The following ZNF541 variants were observed in gnomAD, a reference collection of about 807,000 sequenced individuals.
ZNF541 encodes the protein zinc finger protein 541.
In ZNF541, 23 loss-of-function variants were observed where a neutral mutation model predicts 123.5. The ratio of observed to expected loss-of-function variants is 0.19; its 90% CI spans 0.13 to 0.26. ZNF541 has a LOEUF of 0.26. Ranked by LOEUF, ZNF541 falls within the 10% of genes least tolerant of loss-of-function variation. The pLI is 1.00. For synonymous variants in ZNF541, 751 were observed against 754.5 expected, an observed-to-expected ratio of 1.00 and a Z score of 0.08; for missense variants, 1,612 against 1,789.9, an observed-to-expected ratio of 0.90 and a Z score of 1.79.
intron 3 of ZNF541, among the ~76,000 whole-genome samples, chr19:47,552,252 G>A (rs185520851): frequency 6.6e-6 from 1 of 152,286 alleles, no homozygotes; most frequent in African/African-American, 2.4e-5. Context: ...AAGAGCAGGA[G>A]GTTGCTCTAA....
intron 2 of ZNF541, among the ~76,000 whole-genome samples, chr19:47,560,314 G>T (rs558895148): frequency 6.6e-6 from 1 of 152,226 alleles, no homozygotes; most frequent in African/African-American, 2.4e-5. Context: ...GGTGGCTCAT[G>T]CTTGTTATGC....
At chr19:47,540,864 C>G in intron 6 of ZNF541, 29 bp downstream of exon 6, 1 of 1,549,802 alleles carries the variant, frequency 6.5e-7, no homozygotes. Context: ...TGCCAGGGTG[C>G]ATGCAGGATC....
At chr19:47,523,339 T>TAAA (rs75366644) in intron 14 of ZNF541, among the ~76,000 whole-genome samples, 2,185 of 105,674 alleles carry the variant, frequency 0.021, 57 homozygotes, top group African/African-American at 0.067. Context: ...GCGTCTCTTT[T>TAAA]AAAAAAAAAA....
chr19:47,546,035 G>A, intron 4 of ZNF541, 55 bp from the exon 5 acceptor site: 2 of 1,408,766 alleles, frequency 1.4e-6, no homozygotes, highest in Non-Finnish European at 1.9e-6. Context: ...CGGGCTTTCT[G>A]CTGTAGGACC....
chr19:47,572,853 G>A (rs1971524709), intron 1 of ZNF541, among the ~76,000 whole-genome samples: 1 of 152,094 alleles, frequency 6.6e-6, no homozygotes, highest in Non-Finnish European at 1.5e-5. Context: ...CCTGTGGGGT[G>A]CAGCGGGGCC....
At chr19:47,526,481 C>CAAAAAAAAAAAAAAAAAAAAAAAAAAA (rs71180847) in intron 14 of ZNF541, among the ~76,000 whole-genome samples, 1 of 34,976 alleles carries the variant, frequency 2.9e-5, no homozygotes, top group Non-Finnish European at 5.0e-5. Context: ...GACTCCATCT[C>CAAAAAAAAAAAAAAAAAAAAAAAAAAA]AAAAAAAAAA....
At position 47,520,959 on chromosome 19, in the gene ZNF541, A is replaced by T; in HGVS notation, c.*265T>A. 3 of 435,618 alleles carry T rather than the reference A, an allele frequency of 6.9e-6. No individual in the cohort carries two copies. The highest frequency in any genetic ancestry group is 1.2e-5 in the Non-Finnish European group (3 of 240,538). 27.0% of individuals were successfully genotyped at this position (435,618 alleles called of 1,614,324 possible). On this transcript the variant is annotated 3_prime_UTR_variant, in exon 17 of 17. Coordinates refer to ENST00000391901, the MANE Select transcript of ZNF541 (RefSeq NM_001277075.3). Reference sequence around the variant, plus strand: ...TCCCCTCCCCAAGCCTCCCTGCTCTAGAAGTGGAAGGGAAAGAAGGGGAGA... The same window carrying T: ...TCCCCTCCCCAAGCCTCCCTGCTCTTGAAGTGGAAGGGAAAGAAGGGGAGA...
intron 14 of ZNF541, among the ~76,000 whole-genome samples, chr19:47,523,338 T>TA (rs1437417516): frequency 1.4e-4 from 17 of 118,134 alleles, no homozygotes; most frequent in African/African-American, 7.0e-4. Context: ...AGCGTCTCTT[T>TA]TAAAAAAAAA....
In ZNF541 at chr19:47,555,677, C is replaced by T. The variant is rs754338266; in HGVS notation, c.180G>A (p.Thr60=). 11 of 1,551,702 alleles carry T rather than the reference C, an allele frequency of 7.1e-6. No homozygotes were observed. Among genetic ancestry groups the T allele is most frequent in the East Asian group, 4.9e-5 (2 of 40,914 alleles). The change falls in exon 3 of 17, where the codon ACG becomes ACA. Residue 60 remains threonine, a synonymous_variant. Transcript: ENST00000391901. Reference sequence around the variant, plus strand: ...CCAGCACCTCGCTGGACATGTCAGGCGTTGGGAGGCTGGGGTCCGGGTCCA... The same window carrying T: ...CCAGCACCTCGCTGGACATGTCAGGTGTTGGGAGGCTGGGGTCCGGGTCCA... ...SGLDPDPSLP[T]PDMSSEVLED... is the part of the protein sequence containing the mutation.
intron 3 of ZNF541, among the ~76,000 whole-genome samples, chr19:47,554,653 G>A (rs1487004868): frequency 6.6e-6 from 1 of 152,138 alleles, no homozygotes; most frequent in Non-Finnish European, 1.5e-5. Flanking sequence ...CTGGAAATGT[G>A]ACATCAGCCT....
At chr19:47,536,706 T>C (rs972718587) in intron 9 of ZNF541, among the ~76,000 whole-genome samples, 1 of 152,184 alleles carries the variant, frequency 6.6e-6, no homozygotes, top group Non-Finnish European at 1.5e-5. Context: ...TGCAGTGAGC[T>C]GTGATCATAC....
chr19:47,524,892 A>G (rs148530582), intron 14 of ZNF541, among the ~76,000 whole-genome samples: 31 of 152,174 alleles, frequency 2.0e-4, no homozygotes, highest in African/African-American at 7.2e-4. Context: ...AAGAAATAAG[A>G]ACCAGTAAAA....
At chr19:47,539,684 G>A in intron 8 of ZNF541, 21 bp downstream of exon 8, 4 of 1,381,774 alleles carry the variant, frequency 2.9e-6, no homozygotes. Context: ...GCAGGAAGGA[G>A]GCAGGCCGAC....
At position 47,539,686 on chromosome 19, in the gene ZNF541, C is replaced by T. The variant is rs1389227301; in HGVS notation, c.2796+19G>A. 2.2e-6 allele frequency: 3 copies of T among 1,381,682 alleles called. No individual in the cohort carries two copies. The highest frequency in any genetic ancestry group is 1.8e-5 in the South Asian group (1 of 55,414). The allele number at this position is 1,381,682 out of a possible 1,614,324, so 85.6% of individuals were successfully genotyped here. ...GCTGCGGGCAGTGGCAGGAAGGAGG[C>T]AGGCCGACAAGCACCCACCATGGCC... On this transcript the variant is annotated intron_variant, in intron 8 of 16. Transcript: ENST00000391901.
chr19:47,545,682 C>T lies in ZNF541; in HGVS notation c.847G>A (p.Val283Ile), dbSNP rs776558489. Residue 283 changes from valine (V) to isoleucine (I), a missense_variant, in exon 5 of 17, where the codon GTC becomes ATC. Coordinates refer to ENST00000391901, the MANE Select transcript of ZNF541 (RefSeq NM_001277075.3). This position sits in a 1 kb window ranked among gnomAD's most constrained non-coding sequence, Gnocchi z 7.5. The part of the protein sequence containing the change: ...DLLRRIVSSI[V>I]HQKTPSPGPA... ...CCAGGAGAAGGGGTCTTCTGGTGGA[C>T]GATGCTACTCACGATGCGGCGCAGG... 1.4e-5 allele frequency: 21 copies of T among 1,548,342 alleles called. No homozygotes were observed. The highest frequency in any genetic ancestry group is 1.8e-5 in the Non-Finnish European group (21 of 1,146,700).
At chr19:47,567,512 G>A (rs117829832) in intron 2 of ZNF541, among the ~76,000 whole-genome samples, 7,374 of 152,238 alleles carry the variant, frequency 0.048, 212 homozygotes, top group Non-Finnish European at 0.076. Flanking sequence ...CGCCCTCCTC[G>A]GCTTCCCAAA....
chr19:47,543,474 A>G (rs893859442), intron 5 of ZNF541, among the ~76,000 whole-genome samples: 7 of 152,032 alleles, frequency 4.6e-5, no homozygotes, highest in Non-Finnish European at 7.4e-5. Context: ...ATCAGAAAAC[A>G]CATGGCCATT....
In ZNF541 at chr19:47,554,068, C is replaced by T. The variant is rs572629180; in HGVS notation, c.307+1482G>A. On this transcript the variant is annotated intron_variant, in intron 3 of 16. Transcript: ENST00000391901. ...AAAGCAAATACACCAACTCTTACAA[C>T]TTAAATGGAATTATATACTTAATAT... Among the ~76,000 whole-genome samples the T allele has an allele frequency of 1.2e-4, 19 of 152,280 alleles. No homozygotes were observed. In the South Asian group the frequency reaches 3.7e-3, roughly 30 times the overall value.
chr19:47,521,445 G>T lies in ZNF541; in HGVS notation c.3887+34C>A. The T allele has an allele frequency of 6.4e-7, 1 of 1,550,600 alleles. No individual in the cohort carries two copies. Among genetic ancestry groups the T allele is most frequent in the Non-Finnish European group, 8.7e-7 (1 of 1,146,074 alleles). ...GGGATCACAGGGGCTGAGGCTGGGA[G>T]CCCTGGGAGTGTTTCCAGGAGAAAG... On this transcript the variant is annotated intron_variant, in intron 16 of 16. Transcript: ENST00000391901. The surrounding 1 kb of genome is among the most constrained non-coding windows in gnomAD (Gnocchi z 4.2).
Sources: gnomAD v4.1 joint callset for allele counts (sites outside exome capture counted in the v4.1 genomes callset) on GRCh38, gnomAD v4.1.1 for gene constraint, Gnocchi (gnomAD v3.1) non-coding constraint, MANE v1.5 for transcripts, NCBI Gene and HGNC (gene_info 2026-07-23, HGNC 2026-07-21) for gene names.